CA10: variants seen among roughly 807,000 people sequenced by gnomAD.
The protein encoded by CA10 is carbonic anhydrase-related protein 10.
A neutral mutation model predicts 44.2 loss-of-function variants in CA10; 14 were observed. The observed-to-expected ratio is 0.32, with a 90% CI of 0.21 to 0.50. The LOEUF is 0.50. Ranked by LOEUF, CA10 falls within the 20% of genes least tolerant of loss-of-function variation. The pLI is 0.99. For synonymous variants in CA10, 159 were observed against 141.6 expected, an observed-to-expected ratio of 1.12 and a Z score of -0.87; for missense variants, 350 against 409.7, an observed-to-expected ratio of 0.85 and a Z score of 1.26.
intron 1 of CA10, among the ~76,000 whole-genome samples, chr17:52,074,129 G>C (rs555567938): frequency 5.5e-4 from 84 of 152,254 alleles, no homozygotes; most frequent in African/African-American, 1.9e-3. Flanking sequence ...CAAAGGCTTA[G>C]AAACCTGTGA....
At chr17:51,770,037 G>C (rs1905538599) in intron 3 of CA10, among the ~76,000 whole-genome samples, 1 of 152,010 alleles carries the variant, frequency 6.6e-6, no homozygotes, top group South Asian at 2.1e-4. Flanking sequence ...GGAGATCTAG[G>C]AGGCTTCCTC....
chr17:51,725,160 C>T (rs1916475682), intron 4 of CA10, among the ~76,000 whole-genome samples: 1 of 152,240 alleles, frequency 6.6e-6, no homozygotes, highest in Non-Finnish European at 1.5e-5. Context: ...ATCTCAGTGG[C>T]TTCTGCACAG....
chr17:52,030,749 T>C (rs1214975325), intron 2 of CA10, among the ~76,000 whole-genome samples: 2 of 152,180 alleles, frequency 1.3e-5, no homozygotes, highest in Admixed American at 6.5e-5. Context: ...TCAATCTATC[T>C]GCTGAAACTG....
At chr17:51,795,678 T>G (rs1456177609) in intron 3 of CA10, among the ~76,000 whole-genome samples, 1 of 152,198 alleles carries the variant, frequency 6.6e-6, no homozygotes, top group Non-Finnish European at 1.5e-5. Context: ...AGGACCCAAG[T>G]GCCTTTACTA....
chr17:52,146,448 T>C (rs1362288928), intron 1 of CA10, among the ~76,000 whole-genome samples: 1 of 151,846 alleles, frequency 6.6e-6, no homozygotes, highest in East Asian at 1.9e-4. Context: ...CCCAGCACTT[T>C]GGGAGGCTGA....
chr17:51,869,765 A>G (rs1979721104), intron 3 of CA10, among the ~76,000 whole-genome samples: 1 of 152,128 alleles, frequency 6.6e-6, no homozygotes, highest in Non-Finnish European at 1.5e-5. Flanking sequence ...AGTAATATAA[A>G]AAAGCAGTTT....
chr17:52,080,685 C>T (rs1301220048), intron 1 of CA10, among the ~76,000 whole-genome samples: 1 of 151,974 alleles, frequency 6.6e-6, no homozygotes, highest in Non-Finnish European at 1.5e-5. Flanking sequence ...CCCAGGTATA[C>T]CACGTTTATT....
chr17:51,831,733 A>AGCAGCCGCAGC (rs1567854687), intron 3 of CA10, among the ~76,000 whole-genome samples: 1 of 121,522 alleles, frequency 8.2e-6, no homozygotes, highest in African/African-American at 4.1e-5. Flanking sequence ...GCAGCAGCAG[A>AGCAGCCGCAGC]AAAAGACCTT....
intron 3 of CA10, among the ~76,000 whole-genome samples, chr17:51,874,380 GTAAT>G (rs1427867595): frequency 2.1e-5 from 3 of 139,620 alleles, no homozygotes; most frequent in South Asian, 2.5e-4. Context: ...TACTCTTGGA[GTAAT>G]TATTAAAAAA....
intron 1 of CA10, among the ~76,000 whole-genome samples, chr17:52,077,624 G>T (rs1417207673): frequency 3.5e-5 from 5 of 144,738 alleles, no homozygotes; most frequent in Non-Finnish European, 6.0e-5. Flanking sequence ...TAAATGTTCA[G>T]AAGTGAGCTA....
At position 51,878,093 on chromosome 17, in the gene CA10, A is replaced by C. The variant is rs377489056; in HGVS notation, c.279+52897T>G. Among the ~76,000 whole-genome samples the C allele has an allele frequency of 4.0e-3, 586 of 146,606 alleles. 3 individuals carry two copies. The highest frequency in any genetic ancestry group is 0.014 in the African/African-American group (553 of 39,176). ...CAGAAGGCGGAGGTTACAGTGAGCC[A>C]AGATCGCACCACTGCACTCCAGCCT... On this transcript the variant is annotated intron_variant, in intron 3 of 8. Coordinates refer to ENST00000451037, the MANE Select transcript of CA10 (RefSeq NM_020178.5).
At chr17:51,802,730 T>C (rs1008675626) in intron 3 of CA10, among the ~76,000 whole-genome samples, 1 of 152,090 alleles carries the variant, frequency 6.6e-6, no homozygotes, top group African/African-American at 2.4e-5. Context: ...CTCCACTTCA[T>C]GTGCAGATGA....
intron 1 of CA10, among the ~76,000 whole-genome samples, chr17:52,105,491 G>A (rs776687516): frequency 6.6e-6 from 1 of 152,056 alleles, no homozygotes; most frequent in African/African-American, 2.4e-5. Flanking sequence ...TCCTGACCTC[G>A]TGATCTGCCC....
intron 3 of CA10, among the ~76,000 whole-genome samples, chr17:51,863,057 T>C (rs564699138): frequency 3.9e-5 from 6 of 152,274 alleles, no homozygotes; most frequent in Non-Finnish European, 7.3e-5. Context: ...TGGCTTTGGG[T>C]AAATTGTATA....
At chr17:51,919,490 G>A (rs1365262083) in intron 3 of CA10, among the ~76,000 whole-genome samples, 1 of 152,116 alleles carries the variant, frequency 6.6e-6, no homozygotes, top group Non-Finnish European at 1.5e-5. Flanking sequence ...GGTGGAGCTA[G>A]TCTGTAAAAC....
upstream of CA10, chr17:52,159,288 T>A (rs1989891845): frequency 6.6e-6 from 1 of 152,138 alleles, no homozygotes; most frequent in African/African-American, 2.4e-5. Context: ...AGTTCTTTTC[T>A]CTGCAGGTTC....
intron 2 of CA10, among the ~76,000 whole-genome samples, chr17:51,976,632 A>G (rs1217491738): frequency 6.6e-6 from 1 of 152,096 alleles, no homozygotes; most frequent in African/African-American, 2.4e-5. Flanking sequence ...ATAGTGTTAC[A>G]TGTCTACATT....
intron 2 of CA10, among the ~76,000 whole-genome samples, chr17:51,951,203 C>T (rs1983468440): frequency 6.6e-6 from 1 of 152,156 alleles, no homozygotes; most frequent in Non-Finnish European, 1.5e-5. Context: ...AATGAAAGCT[C>T]CAACAGATAT....
intron 3 of CA10, among the ~76,000 whole-genome samples, chr17:51,927,609 A>G (rs2143986580): frequency 6.6e-6 from 1 of 152,302 alleles, no homozygotes; most frequent in Admixed American, 6.5e-5. Flanking sequence ...AATCTCACTT[A>G]TGTGACTATA....
Sources: allele counts gnomAD v4.1 joint callset (sites outside exome capture counted in the v4.1 genomes callset), GRCh38; gene constraint gnomAD v4.1.1; transcripts MANE v1.5; gene names NCBI Gene and HGNC (gene_info 2026-07-23, HGNC 2026-07-21).